The following SEC63 variants were observed in gnomAD, a reference collection of about 807,000 sequenced individuals.
The protein encoded by SEC63 is SEC63 protein translocation regulator, also known as translocation protein SEC63 homolog.
SEC63 carries 56 observed loss-of-function variants against 116.2 expected under a neutral mutation model. The observed-to-expected ratio is 0.48, with a 90% confidence interval of 0.39 to 0.60. The LOEUF is 0.60. SEC63 is among the 20% of genes least tolerant of loss of function. The probability of loss-of-function intolerance (pLI) is 0.00; values close to 1 mark genes in which losing one functional copy is unlikely to be tolerated. For synonymous variants in SEC63, 273 were observed against 294.6 expected, an observed-to-expected ratio of 0.93 and a Z score of 0.75; for missense variants, 668 against 900.0, an observed-to-expected ratio of 0.74 and a Z score of 3.30.
intron 16 of SEC63, among the ~76,000 whole-genome samples, chr6:107,886,442 A>C (rs1385817729): frequency 2.0e-5 from 3 of 152,234 alleles, no homozygotes; most frequent in Non-Finnish European, 4.4e-5. Flanking sequence ...ACTGACTTCC[A>C]CAAGGGTTGA....
chr6:107,954,464 TA>T (rs796251218), intron 1 of SEC63: 20,126 of 61,482 alleles, frequency 0.33, 1,543 homozygotes, highest in Non-Finnish European at 0.39. Context: ...AATGATCAAT[TA>T]AAAAAAAAAA....
intron 1 of SEC63, among the ~76,000 whole-genome samples, chr6:107,949,290 G>A (rs1461010542): frequency 6.6e-6 from 1 of 152,090 alleles, no homozygotes; most frequent in Non-Finnish European, 1.5e-5. Flanking sequence ...ACAATATTTA[G>A]GATGTTTAAT....
At chr6:107,893,804 T>C (rs769771321) in intron 15 of SEC63, 34 bp downstream of exon 15, 2 of 1,611,992 alleles carry the variant, frequency 1.2e-6, no homozygotes, top group Non-Finnish European at 1.7e-6. Context: ...TTTCTTTCAC[T>C]AGGAAAAATA....
At chr6:107,956,088 G>C (rs1311684902) in intron 1 of SEC63, 1 of 295,564 alleles carries the variant, frequency 3.4e-6, no homozygotes, top group South Asian at 2.6e-5. Flanking sequence ...ACCAGCCTGG[G>C]TAAATGAGAC....
chr6:107,897,787 T>C (rs1786896585), intron 13 of SEC63, 56 bp from the exon 14 acceptor site: 1 of 1,170,570 alleles, frequency 8.5e-7, no homozygotes, highest in Non-Finnish European at 1.3e-6. Context: ...TCTATGTTAA[T>C]GCAAACAGCA....
chr6:107,925,851 T>C (rs937832388), intron 2 of SEC63, among the ~76,000 whole-genome samples: 5 of 152,208 alleles, frequency 3.3e-5, no homozygotes, highest in Non-Finnish European at 7.3e-5. Context: ...TTTGTACATT[T>C]GATTAACTTT....
intron 18 of SEC63, among the ~76,000 whole-genome samples, chr6:107,877,841 A>C (rs1196622107): frequency 2.0e-5 from 3 of 152,196 alleles, no homozygotes; most frequent in Non-Finnish European, 2.9e-5. Flanking sequence ...CACAACTAAA[A>C]ACTCTTCTGT....
chr6:107,947,983 A>G (rs1306099161), intron 1 of SEC63, among the ~76,000 whole-genome samples: 1 of 152,228 alleles, frequency 6.6e-6, no homozygotes, highest in East Asian at 1.9e-4. Context: ...TAACCCTCTT[A>G]AAATACCTGA....
intron 1 of SEC63, among the ~76,000 whole-genome samples, chr6:107,939,400 T>C (rs1160010417): frequency 6.6e-6 from 1 of 152,244 alleles, no homozygotes; most frequent in Non-Finnish European, 1.5e-5. Flanking sequence ...ATTCGATGTA[T>C]AGAAAACATA....
chr6:107,933,720 G>A (rs1481507247), intron 1 of SEC63, among the ~76,000 whole-genome samples: 5 of 104,092 alleles, frequency 4.8e-5, no homozygotes, highest in South Asian at 7.5e-4. Context: ...CTCTCCCCAC[G>A]GCCCACGGTC....
chr6:107,897,879 T>C (rs1012313932), intron 13 of SEC63, 148 bp from the exon 14 acceptor site: 1 of 665,882 alleles, frequency 1.5e-6, no homozygotes, highest in Non-Finnish European at 2.7e-6. Flanking sequence ...AATAACTGAT[T>C]GACTACTCTG....
chr6:107,872,338 C>A (rs1289527120), intron 20 of SEC63, among the ~76,000 whole-genome samples: 4 of 152,138 alleles, frequency 2.6e-5, no homozygotes. Context: ...ACTTTTAGCA[C>A]CATCTCTCTA....
chr6:107,899,971 G>A (rs1786960017), intron 13 of SEC63, among the ~76,000 whole-genome samples: 1 of 152,078 alleles, frequency 6.6e-6, no homozygotes. Flanking sequence ...AAACCAGATT[G>A]CACTGTTTGC....
At chr6:107,920,028 A>G (rs945254003) in intron 4 of SEC63, among the ~76,000 whole-genome samples, 1 of 152,098 alleles carries the variant, frequency 6.6e-6, no homozygotes, top group Non-Finnish European at 1.5e-5. Flanking sequence ...TCAAGGCAAG[A>G]CCCTCCACCA....
chr6:107,901,339 G>A (rs1296085402), intron 13 of SEC63, 31 bp downstream of exon 13: 1 of 1,603,104 alleles, frequency 6.2e-7, no homozygotes, highest in African/African-American at 1.3e-5. Flanking sequence ...CAAAAGGGAA[G>A]CAATGCTCAA....
rs1193950406 is a variant in SEC63 at position 107,893,665 on chromosome 6, A to G, written c.1501-10T>C. The stretch of plus-strand genomic sequence containing the variant: ...TGTTAGTTTCACCCTGCTGTGAATC[A>G]TAACACGTCACACTCTTAAGTTATA... On this transcript the variant is annotated splice_polypyrimidine_tract_variant and intron_variant, in intron 15 of 20. Coordinates refer to ENST00000369002, the MANE Select transcript of SEC63 (RefSeq NM_007214.5). 6 of 1,613,880 alleles carry G rather than the reference A, an allele frequency of 3.7e-6. No individual in the cohort carries two copies. In the South Asian group the frequency reaches 5.5e-5, roughly 15 times the overall value.
At position 107,901,518 on chromosome 6, in the gene SEC63, C is replaced by T. The variant is rs759761426; in HGVS notation, c.1210-1G>A. Reference sequence around the variant, plus strand: ...AATCCTGGATAGTTTTAATTTTATACTGAATAAAAAAAAAAAAGAAAATAC... The same window carrying T: ...AATCCTGGATAGTTTTAATTTTATATTGAATAAAAAAAAAAAAGAAAATAC... On this transcript the variant is annotated splice_acceptor_variant, in intron 12 of 20. Transcript: ENST00000369002. LOFTEE classifies it high-confidence loss of function. 6.5e-7 allele frequency: 1 copy of T among 1,531,996 alleles called. No homozygotes were observed. Among genetic ancestry groups the T allele is most frequent in the Non-Finnish European group, 9.0e-7 (1 of 1,116,902 alleles). The allele number at this position is 1,531,996 out of a possible 1,614,324, so 94.9% of individuals were successfully genotyped here.
chr6:107,908,358 A>G (rs573331070), intron 8 of SEC63, among the ~76,000 whole-genome samples: 5 of 152,144 alleles, frequency 3.3e-5, no homozygotes, highest in Non-Finnish European at 7.3e-5. Context: ...AAATTTTTAA[A>G]TAAGAACTGG....
chr6:107,883,244 G>T, intron 16 of SEC63, 98 bp from the exon 17 acceptor site: 2 of 1,430,082 alleles, frequency 1.4e-6, no homozygotes, highest in South Asian at 2.4e-5. Context: ...TAACTAAACT[G>T]ACTCGATGAC....
Sources: allele counts gnomAD v4.1 joint callset (sites outside exome capture counted in the v4.1 genomes callset), GRCh38; gene constraint gnomAD v4.1.1; transcripts MANE v1.5; gene names NCBI Gene and HGNC (gene_info 2026-07-23, HGNC 2026-07-21).